Variants in TM9SF3 observed in about 807,000 individuals in gnomAD.
The protein encoded by TM9SF3 is transmembrane 9 superfamily member 3, also known as SM-11044-binding protein.
TM9SF3 carries 14 observed loss-of-function variants against 78.6 expected under a neutral mutation model. That is an observed-to-expected ratio of 0.18 (90% CI 0.12 to 0.28). The LOEUF is 0.28. Ranked by LOEUF, TM9SF3 falls within the 10% of genes least tolerant of loss-of-function variation. TM9SF3 has a pLI of 1.00. For synonymous variants in TM9SF3, 231 were observed against 241.7 expected (o/e 0.96, Z 0.41); for missense variants, 496 against 721.9 (o/e 0.69, Z 3.59).
intron 12 of TM9SF3, 39 bp downstream of exon 12, chr10:96,527,992 T>G: frequency 6.3e-7 from 1 of 1,583,218 alleles, no homozygotes; most frequent in Non-Finnish European, 8.6e-7. Flanking sequence ...TTTAAAATAT[T>G]ATGGTTCCCC....
Position 96,549,807 on chromosome 10 carries a change from T to G in TM9SF3, c.959+1438A>C, listed in dbSNP as rs547920876. ...GTTGAAGGTCTTTAAGTAGAAGAGC[T>G]TCTGCATTTTAAAAAAAAAAAAAAA... is the stretch of plus-strand genomic sequence containing the variant. On this transcript the variant is annotated intron_variant, in intron 7 of 14. Coordinates refer to ENST00000371142, the MANE Select transcript of TM9SF3 (RefSeq NM_020123.4). Among the ~76,000 whole-genome samples the G allele has an allele frequency of 1.3e-3, 153 of 118,266 alleles. 1 individual carries two copies. The highest frequency in any genetic ancestry group is 4.7e-3 in the African/African-American group (142 of 30,446). 77.6% of individuals were successfully genotyped at this position (118,266 alleles called of 152,430 possible).
At chr10:96,524,332 G>A (rs1162077299) in intron 14 of TM9SF3, among the ~76,000 whole-genome samples, 1 of 151,574 alleles carries the variant, frequency 6.6e-6, no homozygotes, top group East Asian at 1.9e-4. Context: ...TTCTTTACAG[G>A]ATAAGAGAAA....
At chr10:96,576,942 A>G in intron 1 of TM9SF3, 113 bp from the exon 2 acceptor site, 1 of 741,470 alleles carries the variant, frequency 1.3e-6, no homozygotes. Flanking sequence ...TCAGGAAGCT[A>G]TAAAATAAAT....
Position 96,586,887 on chromosome 10 carries a change from C to T in TM9SF3, c.-52G>A. 2.1e-6 allele frequency: 2 copies of T among 972,078 alleles called. No individual in the cohort carries two copies. Among genetic ancestry groups the T allele is most frequent in the Non-Finnish European group, 2.6e-6 (2 of 781,070 alleles). 60.2% of individuals were successfully genotyped at this position (972,078 alleles called of 1,614,324 possible). ...GGCTCACCGACTCCTCCTCCCGCCG[C>T]CGCCTCCTCCGCCGCCGCCGCCTCC... On this transcript the variant is annotated 5_prime_UTR_variant, in exon 1 of 15. Coordinates refer to ENST00000371142, the MANE Select transcript of TM9SF3 (RefSeq NM_020123.4).
chr10:96,561,849 T>C (rs1299067575), intron 4 of TM9SF3, 129 bp downstream of exon 4: 3 of 785,288 alleles, frequency 3.8e-6, no homozygotes, highest in East Asian at 5.4e-5. Flanking sequence ...ACTGAGAAAA[T>C]ATAGTTTTAA....
intron 7 of TM9SF3, among the ~76,000 whole-genome samples, chr10:96,549,106 ACTC>A (rs1369718691): frequency 6.6e-6 from 1 of 151,808 alleles, no homozygotes; most frequent in African/African-American, 2.4e-5. Context: ...TAACAAGCTT[ACTC>A]CTCACCTTCT....
intron 7 of TM9SF3, among the ~76,000 whole-genome samples, chr10:96,548,600 C>T (rs1433407449): frequency 6.6e-6 from 1 of 151,792 alleles, no homozygotes; most frequent in Non-Finnish European, 1.5e-5. Flanking sequence ...GAGTTTGAAA[C>T]CAGCCTGGCC....
At chr10:96,544,409 T>A (rs1469050891) in intron 8 of TM9SF3, among the ~76,000 whole-genome samples, 1 of 152,210 alleles carries the variant, frequency 6.6e-6, no homozygotes, top group Non-Finnish European at 1.5e-5. Flanking sequence ...CAATGACCTG[T>A]AATAAAATAT....
At chr10:96,577,051 C>T (rs936810098) in intron 1 of TM9SF3, among the ~76,000 whole-genome samples, 3 of 152,046 alleles carry the variant, frequency 2.0e-5, no homozygotes, top group Admixed American at 6.5e-5. Context: ...GGCAGATACA[C>T]CTTTTCCAAA....
At chr10:96,532,993 G>C in intron 10 of TM9SF3, 58 bp downstream of exon 10, 1 of 1,587,936 alleles carries the variant, frequency 6.3e-7, no homozygotes. Context: ...GTACACAACA[G>C]CCTTAAGAAC....
intron 4 of TM9SF3, chr10:96,560,540 G>A: frequency 1.4e-6 from 1 of 706,354 alleles, no homozygotes; most frequent in South Asian, 1.4e-5. Flanking sequence ...TAGTAGCTGT[G>A]GAGGAAGATG....
At chr10:96,541,220 A>T (rs991296759) in intron 9 of TM9SF3, among the ~76,000 whole-genome samples, 2 of 151,718 alleles carry the variant, frequency 1.3e-5, no homozygotes, top group Non-Finnish European at 2.9e-5. Flanking sequence ...GAAAGAAAAG[A>T]CTTTGTGTCT....
At chr10:96,549,149 A>G (rs1251429814) in intron 7 of TM9SF3, among the ~76,000 whole-genome samples, 2 of 152,180 alleles carry the variant, frequency 1.3e-5, no homozygotes, top group Non-Finnish European at 2.9e-5. Context: ...ATATCACACT[A>G]TAACAGGCAC....
At position 96,580,029 on chromosome 10, in the gene TM9SF3, G is replaced by A. The variant is rs150286267; in HGVS notation, c.103-3200C>T. ...GAGTGCTAGGCCCAGAAGAAGGTGG[G>A]GTGGAGTCACAGAAGCACAGCAGTG... On this transcript the variant is annotated intron_variant, in intron 1 of 14. Transcript: ENST00000371142. 1.0e-3 allele frequency among the ~76,000 whole-genome samples: 157 copies of A among 152,300 alleles called. 1 individual carries two copies. The highest frequency in any genetic ancestry group is 3.6e-3 in the African/African-American group (149 of 41,566).
chr10:96,584,101 A>G, intron 1 of TM9SF3, among the ~76,000 whole-genome samples: 1 of 152,222 alleles, frequency 6.6e-6, no homozygotes, highest in East Asian at 1.9e-4. Flanking sequence ...AAGACATACT[A>G]GGTATTATCT....
At chr10:96,556,455 T>A (rs538997931) in intron 5 of TM9SF3, among the ~76,000 whole-genome samples, 1 of 152,202 alleles carries the variant, frequency 6.6e-6, no homozygotes, top group Non-Finnish European at 1.5e-5. Context: ...AAGCATCAGT[T>A]TGAATTCAGC....
intron 1 of TM9SF3, among the ~76,000 whole-genome samples, chr10:96,585,788 A>T (rs1848621847): frequency 6.6e-6 from 1 of 152,206 alleles, no homozygotes; most frequent in Admixed American, 6.5e-5. Context: ...ATTAATGGTA[A>T]AGGTATAAAA....
chr10:96,582,291 A>G (rs933956244), intron 1 of TM9SF3, among the ~76,000 whole-genome samples: 1 of 152,222 alleles, frequency 6.6e-6, no homozygotes, highest in Non-Finnish European at 1.5e-5. Flanking sequence ...AGAAAAGACA[A>G]GACTGGCGAT....
chr10:96,538,043 T>G (rs1847980694), intron 9 of TM9SF3, among the ~76,000 whole-genome samples: 1 of 152,222 alleles, frequency 6.6e-6, no homozygotes, highest in African/African-American at 2.4e-5. Context: ...AAGCTGCTTC[T>G]AAACTTTATA....
Sources: allele counts gnomAD v4.1 joint callset (sites outside exome capture counted in the v4.1 genomes callset), GRCh38; gene constraint gnomAD v4.1.1; transcripts MANE v1.5; gene names NCBI Gene and HGNC (gene_info 2026-07-23, HGNC 2026-07-21).